Variants in ST6GAL1 observed in about 807,000 individuals in gnomAD.
ST6GAL1 encodes ST6 beta-galactoside alpha-2,6-sialyltransferase 1.
Under a neutral mutation model 38.0 loss-of-function variants are expected in ST6GAL1, and 20 were observed. That is an observed-to-expected ratio of 0.53 (90% CI 0.37 to 0.77). ST6GAL1 has a LOEUF of 0.77. Ranked by LOEUF, ST6GAL1 falls within the 30% of genes least tolerant of loss-of-function variation. The pLI, the probability that ST6GAL1 is intolerant of heterozygous loss-of-function variation, is 0.00. For missense variants in ST6GAL1, 432 were observed against 496.4 expected, an observed-to-expected ratio of 0.87 and a Z score of 1.23; for synonymous variants, 196 against 188.2, an observed-to-expected ratio of 1.04 and a Z score of -0.34.
At chr3:186,949,958 G>A (rs1372058318) in intron 1 of ST6GAL1, among the ~76,000 whole-genome samples, 3 of 152,170 alleles carry the variant, frequency 2.0e-5, no homozygotes, top group Non-Finnish European at 4.4e-5. Context: ...ACATGTGAAC[G>A]GTTATTCTCA....
chr3:187,036,545 A>T (rs1160657130), intron 2 of ST6GAL1, among the ~76,000 whole-genome samples: 1 of 152,244 alleles, frequency 6.6e-6, no homozygotes, highest in African/African-American at 2.4e-5. Context: ...TGGTACATAT[A>T]CACTGTGGAA....
intron 2 of ST6GAL1, among the ~76,000 whole-genome samples, chr3:187,028,946 C>T (rs753760028): frequency 5.3e-5 from 8 of 151,932 alleles, no homozygotes; most frequent in Non-Finnish European, 1.0e-4. Flanking sequence ...GTTAGCAGGG[C>T]GTGGTGGTGC....
intron 2 of ST6GAL1, among the ~76,000 whole-genome samples, chr3:186,990,650 CTTTTTTT>C (rs111805405): frequency 7.7e-6 from 1 of 129,570 alleles, no homozygotes; most frequent in African/African-American, 2.8e-5. Flanking sequence ...ACAGGATGTT[CTTTTTTT>C]TTTTTTTTTT....
At chr3:186,989,398 CA>C (rs1406144214) in intron 2 of ST6GAL1, among the ~76,000 whole-genome samples, 3 of 152,210 alleles carry the variant, frequency 2.0e-5, no homozygotes, top group African/African-American at 7.2e-5. Flanking sequence ...TCTCTGCAGA[CA>C]GGCTGTCTTG....
intron 1 of ST6GAL1, chr3:186,931,457 G>A (rs1713748870): frequency 6.6e-6 from 1 of 152,368 alleles, no homozygotes; most frequent in South Asian, 2.1e-4. Context: ...CAAGAAAGCA[G>A]CTACAAAAAG....
chr3:186,990,398 A>C (rs986592738), intron 2 of ST6GAL1, among the ~76,000 whole-genome samples: 2 of 152,172 alleles, frequency 1.3e-5, no homozygotes, highest in African/African-American at 4.8e-5. Context: ...ATTCTTAATG[A>C]TCATTAGAGC....
chr3:187,045,094 T>C (rs368523378), intron 4 of ST6GAL1, among the ~76,000 whole-genome samples: 1 of 152,230 alleles, frequency 6.6e-6, no homozygotes, highest in East Asian at 1.9e-4. Context: ...GCCCATACAC[T>C]TCCTCCTGCA....
chr3:186,990,156 C>A (rs980087672), intron 2 of ST6GAL1, among the ~76,000 whole-genome samples: 2 of 152,248 alleles, frequency 1.3e-5, no homozygotes. Context: ...GCCTTGGCCT[C>A]CCCAGTGGCT....
At chr3:187,052,482 G>A (rs994215008) in intron 5 of ST6GAL1, among the ~76,000 whole-genome samples, 2 of 152,046 alleles carry the variant, frequency 1.3e-5, no homozygotes, top group Non-Finnish European at 2.9e-5. Flanking sequence ...AGGGTGTGAT[G>A]TTCCCTGCCC....
chr3:187,071,832 T>C (rs1007864530), intron 5 of ST6GAL1: 5 of 151,534 alleles, frequency 3.3e-5, no homozygotes, highest in African/African-American at 1.2e-4. Flanking sequence ...ATTACTCTTA[T>C]TTGCTCAAGA....
chr3:186,977,001 A>G (rs1715541838), intron 2 of ST6GAL1, among the ~76,000 whole-genome samples: 1 of 152,222 alleles, frequency 6.6e-6, no homozygotes, highest in African/African-American at 2.4e-5. Flanking sequence ...CTTGCTTGCC[A>G]GAGGAGATCG....
At chr3:186,955,345 T>A (rs1428938122) in intron 1 of ST6GAL1, among the ~76,000 whole-genome samples, 1 of 150,420 alleles carries the variant, frequency 6.6e-6, no homozygotes, top group Non-Finnish European at 1.5e-5. Flanking sequence ...AATTTTAAAG[T>A]AGTTTTTTTT....
chr3:187,046,801 G>A (rs1033166763), intron 4 of ST6GAL1, among the ~76,000 whole-genome samples: 3 of 152,164 alleles, frequency 2.0e-5, no homozygotes, highest in Admixed American at 1.3e-4. Context: ...TGGCTTTGAG[G>A]GCCATGATGT....
intron 2 of ST6GAL1, among the ~76,000 whole-genome samples, chr3:186,970,721 A>G (rs2108531276): frequency 6.6e-6 from 1 of 152,258 alleles, no homozygotes; most frequent in South Asian, 2.1e-4. Flanking sequence ...AAAATTGTTG[A>G]ATTTATCAAT....
At chr3:187,045,845 C>A (rs1718274650) in intron 4 of ST6GAL1, among the ~76,000 whole-genome samples, 1 of 152,166 alleles carries the variant, frequency 6.6e-6, no homozygotes. Context: ...AAGGCAAAGG[C>A]AAGAAGCAAA....
At chr3:187,019,821 G>C (rs1717235105) in intron 2 of ST6GAL1, among the ~76,000 whole-genome samples, 1 of 152,212 alleles carries the variant, frequency 6.6e-6, no homozygotes, top group African/African-American at 2.4e-5. Context: ...AGATGAGGGT[G>C]AGGTTTGTGC....
At chr3:187,015,788 G>A (rs1717095467) in intron 2 of ST6GAL1, among the ~76,000 whole-genome samples, 1 of 152,126 alleles carries the variant, frequency 6.6e-6, no homozygotes, top group Non-Finnish European at 1.5e-5. Context: ...GCAGTGAGCT[G>A]TGATTGAGCC....
At chr3:187,038,657 C>T (rs1183264669) in intron 2 of ST6GAL1, 85 bp from the exon 3 acceptor site, 1 of 152,220 alleles carries the variant, frequency 6.6e-6, no homozygotes, top group African/African-American at 2.4e-5. Context: ...AAGCACCTTT[C>T]CATCTTGTTA....
chr3:186,980,538 T>A (rs1277948989), intron 2 of ST6GAL1, among the ~76,000 whole-genome samples: 2 of 143,882 alleles, frequency 1.4e-5, no homozygotes, highest in African/African-American at 5.2e-5. Flanking sequence ...GGCAGGTGGA[T>A]CACGAGATCA....
Sources: gnomAD v4.1 joint callset for allele counts (sites outside exome capture counted in the v4.1 genomes callset) on GRCh38, gnomAD v4.1.1 for gene constraint, MANE v1.5 for transcripts, NCBI Gene and HGNC (gene_info 2026-07-23, HGNC 2026-07-21) for gene names.